TM7SF2: variants seen among roughly 807,000 people sequenced by gnomAD.
TM7SF2 encodes transmembrane 7 superfamily member 2.
TM7SF2 carries 51 observed loss-of-function variants against 51.0 expected under a neutral mutation model. That is an observed-to-expected ratio of 1.00 (90% CI 0.80 to 1.26). The LOEUF is 1.26. TM7SF2 is among the 50% of genes most tolerant of loss of function. The pLI is 0.00. For missense variants in TM7SF2, 541 were observed against 547.4 expected (o/e 0.99, Z 0.12); for synonymous variants, 255 against 241.0 (o/e 1.06, Z -0.54).
chr11:65,114,839 C>G lies in TM7SF2; in HGVS notation c.723+7C>G. Reference sequence around the variant, plus strand: ...TGATGCCCTCTGGCACGAGGTGAGGCTGGACTGGACGAGGGTGGGTGTCTG... The same window carrying G: ...TGATGCCCTCTGGCACGAGGTGAGGGTGGACTGGACGAGGGTGGGTGTCTG... On this transcript the variant is annotated splice_region_variant and intron_variant, in intron 6 of 9. Coordinates refer to ENST00000279263, the MANE Select transcript of TM7SF2 (RefSeq NM_003273.6). The G allele has an allele frequency of 1.2e-6, 2 of 1,614,206 alleles. No homozygotes were observed. The highest frequency in any genetic ancestry group is 1.7e-6 in the Non-Finnish European group (2 of 1,180,004).
At position 65,113,206 on chromosome 11, in the gene TM7SF2, G is replaced by A; in HGVS notation, c.305-14G>A. The A allele has an allele frequency of 1.9e-6, 3 of 1,585,334 alleles. No individual in the cohort carries two copies. The highest frequency in any genetic ancestry group is 2.6e-6 in the Non-Finnish European group (3 of 1,172,768). ...GGCGCGCAGCCCCAGGGCTCACTGTGCGCTGTGGTTCAGGCTTCCAGGCCC... is the reference window on the plus strand; with the variant it reads ...GGCGCGCAGCCCCAGGGCTCACTGTACGCTGTGGTTCAGGCTTCCAGGCCC... On this transcript the variant is annotated splice_polypyrimidine_tract_variant and intron_variant, in intron 3 of 9. Coordinates refer to ENST00000279263, the MANE Select transcript of TM7SF2 (RefSeq NM_003273.6).
At chr11:65,112,780 G>A (rs899796567) in intron 2 of TM7SF2, 31 bp from the exon 3 acceptor site, 1 of 1,550,130 alleles carries the variant, frequency 6.5e-7, no homozygotes, top group South Asian at 1.2e-5. Flanking sequence ...AGGACGCCCC[G>A]GGCCTTATCA....
intron 5 of TM7SF2, 172 bp downstream of exon 5, chr11:65,113,766 GTTA>G (rs1947942887): frequency 1.6e-6 from 1 of 637,604 alleles, no homozygotes; most frequent in Non-Finnish European, 2.7e-6. Context: ...CAAAAATAAA[GTTA>G]GAGGCAAAAA....
At chr11:65,114,888 G>C in intron 6 of TM7SF2, 25 bp from the exon 7 acceptor site, 1 of 1,614,166 alleles carries the variant, frequency 6.2e-7, no homozygotes. Context: ...GACTAAGCCA[G>C]TGTGTCTGGG....
chr11:65,112,450 C>A (rs1590815710), intron 1 of TM7SF2, 65 bp from the exon 2 acceptor site: 2 of 1,428,678 alleles, frequency 1.4e-6, no homozygotes, highest in South Asian at 1.4e-5. Flanking sequence ...TCAGGGCGCC[C>A]GTGCGGGCCG....
rs1947910131 is a variant in TM7SF2 at position 65,111,976 on chromosome 11, A to G, written c.-40A>G. The G allele has an allele frequency of 3.2e-6, 5 of 1,559,966 alleles. No homozygotes were observed. Among genetic ancestry groups the G allele is most frequent in the East Asian group, 4.7e-5 (2 of 42,688 alleles). The stretch of plus-strand genomic sequence containing the variant: ...GGGGCGGACAGTGTTTCCTTGACTG[A>G]CTATTGTGAGCGCCCTCTCTCTCCG... On this transcript the variant is annotated 5_prime_UTR_variant, in exon 1 of 10. Coordinates refer to ENST00000279263, the MANE Select transcript of TM7SF2 (RefSeq NM_003273.6).
At position 65,112,882 on chromosome 11, in the gene TM7SF2, C is replaced by T. The variant is rs1947927828; in HGVS notation, c.304+17C>T. 1.9e-6 allele frequency: 3 copies of T among 1,550,268 alleles called. No individual in the cohort carries two copies. Among genetic ancestry groups the T allele is most frequent in the East Asian group, 2.4e-5 (1 of 40,950 alleles). Reference sequence around the variant, plus strand: ...CTATTAACGGTGCCTAGGGGACGGGCCCTCGCGCTGGAGTTAAGCGGCCGG... The same window carrying T: ...CTATTAACGGTGCCTAGGGGACGGGTCCTCGCGCTGGAGTTAAGCGGCCGG... On this transcript the variant is annotated intron_variant, in intron 3 of 9. Coordinates refer to ENST00000279263, the MANE Select transcript of TM7SF2 (RefSeq NM_003273.6).
chr11:65,112,560 T>C lies in TM7SF2; in HGVS notation c.98T>C (p.Leu33Pro). ...LLLLPATMFH[L>P]LLAARSGPAR... ...CTGCTGCCCGCCACCATGTTCCACC[T>C]GCTCCTGGCGGCCCGTTCGGGCCCC... Residue 33 changes from leucine to proline, a missense_variant, in exon 2 of 10, where the codon CTG becomes CCG. Physicochemically the swap from Leu to Pro is moderately conservative, Grantham distance 98. Transcript: ENST00000279263. 6.5e-7 allele frequency: 1 copy of C among 1,528,900 alleles called. No individual in the cohort carries two copies. Among genetic ancestry groups the C allele is most frequent in the African/African-American group, 1.4e-5 (1 of 69,808 alleles). 94.7% of individuals were successfully genotyped at this position (1,528,900 alleles called of 1,614,324 possible).
chr11:65,113,682 T>G, intron 5 of TM7SF2, 88 bp downstream of exon 5: 3 of 1,117,342 alleles, frequency 2.7e-6, no homozygotes. Flanking sequence ...GCCAAAACTG[T>G]GCAGATGCGA....
intron 3 of TM7SF2, 174 bp from the exon 4 acceptor site, chr11:65,113,046 A>T: frequency 9.8e-7 from 1 of 1,024,982 alleles, no homozygotes; most frequent in Non-Finnish European, 1.4e-6. Context: ...TACCCCATTT[A>T]CTGCTACTCC....
chr11:65,115,886 T>C lies in TM7SF2; in HGVS notation c.1097-7T>C. The C allele has an allele frequency of 6.2e-7, 1 of 1,614,014 alleles. No homozygotes were observed. The highest frequency in any genetic ancestry group is 8.5e-7 in the Non-Finnish European group (1 of 1,179,978). ...GCAGGGTGGTCACAGAGCCTCCTTCTCTACAGGGGTGTCACACCTGCTGCC... is the reference window on the plus strand; with the variant it reads ...GCAGGGTGGTCACAGAGCCTCCTTCCCTACAGGGGTGTCACACCTGCTGCC... On this transcript the variant is annotated splice_region_variant and splice_polypyrimidine_tract_variant and intron_variant, in intron 9 of 9. Transcript: ENST00000279263.
Position 65,112,818 on chromosome 11 carries a change from A to G in TM7SF2, c.257A>G (p.Glu86Gly), listed in dbSNP as rs1386721492. The G allele has an allele frequency of 1.3e-6, 2 of 1,550,106 alleles. No homozygotes were observed. Among genetic ancestry groups the G allele is most frequent in the Non-Finnish European group, 1.7e-6 (2 of 1,146,784 alleles). Residue 86 changes from glutamate to glycine, a missense_variant, in exon 3 of 10, where the codon GAG (glutamate) becomes GGG (glycine). Transcript: ENST00000279263. ...LYLLPARKVA[E>G]GQELKDKSRL... Reference sequence around the variant, plus strand: ...GCCCCCTTGGACCCGCAGGTGGCCGAGGGGCAGGAATTGAAGGACAAGAGT... The same window carrying G: ...GCCCCCTTGGACCCGCAGGTGGCCGGGGGGCAGGAATTGAAGGACAAGAGT...
chr11:65,114,543 G>A, intron 5 of TM7SF2, 170 bp from the exon 6 acceptor site: 2 of 780,276 alleles, frequency 2.6e-6, no homozygotes, highest in Non-Finnish European at 4.0e-6. Flanking sequence ...AAGGCAAGAA[G>A]AAACAGGCTG....
At chr11:65,112,975 C>T in intron 3 of TM7SF2, 110 bp downstream of exon 3, 2 of 1,357,354 alleles carry the variant, frequency 1.5e-6, no homozygotes, top group South Asian at 1.3e-5. Context: ...CCTTTGTGTG[C>T]CTCTGTTACG....
rs369237248 is a variant in TM7SF2, at chr11:65,114,725, C to T, written c.616C>T (p.Leu206=). 1 of 1,614,162 alleles carries T rather than the reference C, an allele frequency of 6.2e-7. No individual in the cohort carries two copies. Among genetic ancestry groups the T allele is most frequent in the Non-Finnish European group, 8.5e-7 (1 of 1,180,008 alleles). The part of the protein sequence containing the change: ...PGLIGWVLIN[L]ALLMKEAELR... The stretch of plus-strand genomic sequence containing the variant: ...TCCCTCTCCCCAGGTCCTCATCAAC[C>T]TGGCCCTGTTGATGAAGGAGGCAGA... Residue 206 remains leucine (L), a synonymous_variant, in exon 6 of 10, where the codon CTG becomes TTG. Transcript: ENST00000279263.
chr11:65,114,818 G>A lies in TM7SF2; in HGVS notation c.709G>A (p.Ala237Thr), dbSNP rs1348179563. 1.6e-5 allele frequency: 26 copies of A among 1,614,264 alleles called. No individual in the cohort carries two copies. The highest frequency in any genetic ancestry group is 2.2e-5 in the Non-Finnish European group (26 of 1,180,046). ...NGFQLLYVGD[A>T]LWHEEAVLTT... is the part of the protein sequence containing the mutation. Reference sequence around the variant, plus strand: ...CTTCCAGTTGCTCTACGTGGGTGATGCCCTCTGGCACGAGGTGAGGCTGGA... The same window carrying A: ...CTTCCAGTTGCTCTACGTGGGTGATACCCTCTGGCACGAGGTGAGGCTGGA... The change falls in exon 6 of 10, where the codon GCC becomes ACC. Residue 237 changes from alanine (A) to threonine (T), a missense_variant. Physicochemically the swap from Ala to Thr is moderately conservative, Grantham distance 58 (BLOSUM62 0). Coordinates refer to ENST00000279263, the MANE Select transcript of TM7SF2 (RefSeq NM_003273.6).
At chr11:65,112,340 G>A in intron 1 of TM7SF2, 175 bp from the exon 2 acceptor site, 1 of 769,826 alleles carries the variant, frequency 1.3e-6, no homozygotes, top group South Asian at 1.9e-5. Flanking sequence ...ATGGACGCCT[G>A]GGAAGGGAAC....
chr11:65,111,906 G>C lies in TM7SF2; in HGVS notation c.-110G>C. 1 of 1,286,572 alleles carries C rather than the reference G, an allele frequency of 7.8e-7. No individual in the cohort carries two copies. Among genetic ancestry groups the C allele is most frequent in the South Asian group, 1.3e-5 (1 of 78,426 alleles). The allele number at this position is 1,286,572 out of a possible 1,614,324, so 79.7% of individuals were successfully genotyped here. On this transcript the variant is annotated 5_prime_UTR_variant, in exon 1 of 10. Transcript: ENST00000279263. ...CCGTGTCCAGGCAGGTGCAGGCGCC[G>C]CGGGGCCGGATCCTCCGCGCGGCCG...
intron 1 of TM7SF2, 107 bp from the exon 2 acceptor site, chr11:65,112,408 T>C (rs1046470430): frequency 5.3e-4 from 661 of 1,254,458 alleles, no homozygotes; most frequent in Non-Finnish European, 6.7e-4. Context: ...GGAGGCGCAC[T>C]CTGGGAATGC....
Sources: gnomAD v4.1 joint callset for allele counts on GRCh38, gnomAD v4.1.1 for gene constraint, MANE v1.5 for transcripts, NCBI Gene and HGNC (gene_info 2026-07-23, HGNC 2026-07-21) for gene names.